ABLIM2: variants seen among roughly 807,000 people sequenced by gnomAD.
ABLIM2 encodes the protein actin binding LIM protein family member 2.
In ABLIM2, 53 loss-of-function variants were observed where a neutral mutation model predicts 97.7. The ratio of observed to expected loss-of-function variants is 0.54; its 90% CI spans 0.44 to 0.68. ABLIM2 has a LOEUF of 0.68. Ranked by LOEUF, ABLIM2 falls within the 30% of genes least tolerant of loss-of-function variation. The pLI, the probability that ABLIM2 is intolerant of heterozygous loss-of-function variation, is 0.00. For missense variants in ABLIM2, 835 were observed against 867.2 expected (o/e 0.96, Z 0.47); for synonymous variants, 361 against 345.8 (o/e 1.04, Z -0.49).
chr4:8,091,854 C>A (rs1332996054), intron 3 of ABLIM2, among the ~76,000 whole-genome samples: 7 of 98,702 alleles, frequency 7.1e-5, no homozygotes, highest in East Asian at 2.6e-4. Flanking sequence ...ATTATTTATA[C>A]AATATATTAT....
At chr4:8,110,914 G>C (rs1191913750) in intron 1 of ABLIM2, among the ~76,000 whole-genome samples, 4 of 152,206 alleles carry the variant, frequency 2.6e-5, no homozygotes, top group Admixed American at 6.5e-5. Context: ...GTAGGTAAGT[G>C]GGTATGCGCT....
At chr4:8,042,027 A>T (rs62290643) in intron 9 of ABLIM2, among the ~76,000 whole-genome samples, 149 of 152,384 alleles carry the variant, frequency 9.8e-4, no homozygotes, top group Non-Finnish European at 1.5e-3. Flanking sequence ...CTTAGCAGGC[A>T]CCAAGCCGGA....
chr4:8,016,946 C>T lies in ABLIM2; in HGVS notation c.1423+2672G>A, dbSNP rs368507112. On this transcript the variant is annotated intron_variant, in intron 14 of 20. Coordinates refer to ENST00000447017, the MANE Select transcript of ABLIM2 (RefSeq NM_001130083.2). The stretch of plus-strand genomic sequence containing the variant: ...TATGGCTTGCCACAGCCATGCATCT[C>T]GGATTAGAATCCTCTTTTCTAATTC... 2.4e-4 allele frequency among the ~76,000 whole-genome samples: 37 copies of T among 152,324 alleles called. 1 individual carries two copies. The highest frequency in any genetic ancestry group is 2.1e-3 in the East Asian group (11 of 5,184).
Position 8,001,718 on chromosome 4 carries a change from C to G in ABLIM2, c.1618+6341G>C, listed in dbSNP as rs113728862. On this transcript the variant is annotated intron_variant, in intron 16 of 20. Transcript: ENST00000447017. This position sits in a 1 kb window ranked among gnomAD's most constrained non-coding sequence, Gnocchi z 4.2. ...CACTAGCTGGATGCCAAGGTGGCCA[C>G]GCCTGAGCCCCCAGCTCTCCCTGGG... 6.6e-6 allele frequency among the ~76,000 whole-genome samples: 1 copy of G among 152,126 alleles called. No homozygotes were observed. The highest frequency in any genetic ancestry group is 2.4e-5 in the African/African-American group (1 of 41,426).
intron 1 of ABLIM2, among the ~76,000 whole-genome samples, chr4:8,131,974 CT>C (rs1301294443): frequency 6.9e-6 from 1 of 145,946 alleles, no homozygotes; most frequent in African/African-American, 2.6e-5. Flanking sequence ...CCCGCATCCC[CT>C]GCACGGCAGC....
intron 18 of ABLIM2, among the ~76,000 whole-genome samples, chr4:7,984,192 T>C (rs1056816489): frequency 8.5e-5 from 13 of 152,198 alleles, no homozygotes; most frequent in African/African-American, 3.1e-4. Context: ...AGCCGGTCCC[T>C]GAGTTTCACC....
In ABLIM2 at chr4:8,033,353, T is replaced by G. The variant is rs953378522; in HGVS notation, c.1047+2796A>C. ...AGGAACCATGGTTATTACAGCGCAATAACTCGACGGCCTCTGGGAGGCTGC... is the reference window on the plus strand; with the variant it reads ...AGGAACCATGGTTATTACAGCGCAAGAACTCGACGGCCTCTGGGAGGCTGC... On this transcript the variant is annotated intron_variant, in intron 10 of 20. Coordinates refer to ENST00000447017, the MANE Select transcript of ABLIM2 (RefSeq NM_001130083.2). The surrounding 1 kb of genome is among the most constrained non-coding windows in gnomAD (Gnocchi z 4.5). Among the ~76,000 whole-genome samples, 29 of 152,034 alleles carry G rather than the reference T, an allele frequency of 1.9e-4. No individual in the cohort carries two copies. The highest frequency in any genetic ancestry group is 7.0e-4 in the African/African-American group (29 of 41,384).
At chr4:8,030,885 GC>G (rs1472388359) in intron 10 of ABLIM2, among the ~76,000 whole-genome samples, 3 of 152,176 alleles carry the variant, frequency 2.0e-5, no homozygotes, top group East Asian at 1.9e-4. Context: ...ATGCCCAGCT[GC>G]TGCTGGCTCT....
rs560552402 is a variant in ABLIM2 at position 8,020,446 on chromosome 4, G to A, written c.1268-143C>T. ...GCCCAGATCCCCTGCCCAGGGGAAGGAGTGTGGGCCTCATCCACGTTCCCA... is the reference window on the plus strand; with the variant it reads ...GCCCAGATCCCCTGCCCAGGGGAAGAAGTGTGGGCCTCATCCACGTTCCCA... On this transcript the variant is annotated intron_variant, in intron 12 of 20. Transcript: ENST00000447017. 4.2e-4 allele frequency: 324 copies of A among 767,856 alleles called. 1 individual carries two copies. The highest frequency in any genetic ancestry group is 1.4e-3 in the Admixed American group (69 of 49,982). 47.6% of individuals were successfully genotyped at this position (767,856 alleles called of 1,614,324 possible).
chr4:8,108,611 A>G (rs1838683673), intron 1 of ABLIM2, among the ~76,000 whole-genome samples: 1 of 152,224 alleles, frequency 6.6e-6, no homozygotes, highest in African/African-American at 2.4e-5. Context: ...CCCGCTTTCC[A>G]GTTAGGATCA....
intron 6 of ABLIM2, among the ~76,000 whole-genome samples, chr4:8,074,974 C>T (rs536217531): frequency 7.2e-5 from 11 of 152,038 alleles, no homozygotes; most frequent in African/African-American, 1.4e-4. Context: ...GTAGTAGAGA[C>T]GGGGTTTCAC....
intron 16 of ABLIM2, among the ~76,000 whole-genome samples, chr4:7,993,785 T>C (rs1415243401): frequency 6.6e-6 from 1 of 152,180 alleles, no homozygotes; most frequent in Non-Finnish European, 1.5e-5. Context: ...TCTGAGACAA[T>C]GAACTCTGGA....
At chr4:8,052,528 TG>T (rs2151942511) in intron 8 of ABLIM2, among the ~76,000 whole-genome samples, 1 of 152,344 alleles carries the variant, frequency 6.6e-6, no homozygotes, top group South Asian at 2.1e-4. Flanking sequence ...TCTGCCACTG[TG>T]GAAGGCAGAA....
chr4:8,063,456 A>G (rs1804791456), intron 6 of ABLIM2, among the ~76,000 whole-genome samples: 1 of 152,248 alleles, frequency 6.6e-6, no homozygotes, highest in Non-Finnish European at 1.5e-5. Flanking sequence ...CCTGTTACAC[A>G]CATTAACTTG....
intron 1 of ABLIM2, among the ~76,000 whole-genome samples, chr4:8,153,812 G>A (rs1220468456): frequency 6.6e-6 from 1 of 152,232 alleles, no homozygotes; most frequent in African/African-American, 2.4e-5. Flanking sequence ...AAAAGGTGCA[G>A]AAGACGGAAA....
intron 16 of ABLIM2, chr4:8,007,697 ATGCCCATGTC>A: frequency 9.6e-7 from 1 of 1,041,346 alleles, no homozygotes; most frequent in Non-Finnish European, 1.2e-6. Context: ...CAGCCGGACC[ATGCCCATGTC>A]TGCTCTGGAG....
intron 3 of ABLIM2, 44 bp downstream of exon 3, chr4:8,097,055 C>T: frequency 6.4e-7 from 1 of 1,562,454 alleles, no homozygotes; most frequent in Admixed American, 1.9e-5. Flanking sequence ...GAGAAAAGGC[C>T]CAGAGAGGCA....
chr4:7,997,251 T>C lies in ABLIM2; in HGVS notation c.1619-4324A>G, dbSNP rs560565782. 7.9e-5 allele frequency among the ~76,000 whole-genome samples: 12 copies of C among 152,254 alleles called. No individual in the cohort carries two copies. The South Asian group carries it at 2.3e-3, about 29-fold the overall frequency. The stretch of plus-strand genomic sequence containing the variant: ...CATGTCCAGCTAACTTTTGTGTTTT[T>C]AGTAGAGACAGGGTTTCACCATGTT... On this transcript the variant is annotated intron_variant, in intron 16 of 20. Coordinates refer to ENST00000447017, the MANE Select transcript of ABLIM2 (RefSeq NM_001130083.2).
rs138657965 is a variant in ABLIM2 at position 8,130,947 on chromosome 4, G to A, written c.11-24310C>T. ...GGGCTGAGCTCCCCCAAAGGCTCTAGGGGAGGCTGCCGTTACCTCGCCCTG... is the reference window on the plus strand; with the variant it reads ...GGGCTGAGCTCCCCCAAAGGCTCTAAGGGAGGCTGCCGTTACCTCGCCCTG... On this transcript the variant is annotated intron_variant, in intron 1 of 20. Transcript: ENST00000447017. This position sits in a 1 kb window ranked among gnomAD's most constrained non-coding sequence, Gnocchi z 4.2. Among the ~76,000 whole-genome samples, 330 of 152,254 alleles carry A rather than the reference G, an allele frequency of 2.2e-3. 1 individual carries two copies. The highest frequency in any genetic ancestry group is 7.8e-3 in the African/African-American group (324 of 41,542).
Sources: gnomAD v4.1 joint callset for allele counts (sites outside exome capture counted in the v4.1 genomes callset) on GRCh38, gnomAD v4.1.1 for gene constraint, Gnocchi (gnomAD v3.1) non-coding constraint, MANE v1.5 for transcripts, NCBI Gene and HGNC (gene_info 2026-07-23, HGNC 2026-07-21) for gene names.